Variants in UTP18 observed in about 807,000 individuals in gnomAD.
The protein encoded by UTP18 is U3 small nucleolar RNA-associated protein 18 homolog.
In UTP18, 36 loss-of-function variants were observed where a neutral mutation model predicts 61.1. That is an observed-to-expected ratio of 0.59 (90% CI 0.45 to 0.78). The LOEUF (loss-of-function observed/expected upper bound fraction) is 0.78. Among genes scored for constraint, UTP18 ranks in the 30% least tolerant of loss-of-function variants. The pLI is 0.00. For missense variants in UTP18, 753 were observed against 693.9 expected (o/e 1.09, Z -0.96); for synonymous variants, 282 against 251.1 (o/e 1.12, Z -1.16).
At chr17:51,287,956 A>C in intron 10 of UTP18, 73 bp from the exon 11 acceptor site, 1 of 1,186,232 alleles carries the variant, frequency 8.4e-7, no homozygotes, top group East Asian at 2.8e-5. Flanking sequence ...GTGGGGTTAA[A>C]TCTATATTCA....
At chr17:51,284,741 T>C (rs1056538284) in intron 9 of UTP18, among the ~76,000 whole-genome samples, 2 of 152,198 alleles carry the variant, frequency 1.3e-5, no homozygotes, top group Non-Finnish European at 2.9e-5. Context: ...GATGCAGTTT[T>C]CTTTTGTATA....
At position 51,288,016 on chromosome 17, in the gene UTP18, T is replaced by G. The variant is rs1310859287; in HGVS notation, c.1329-13T>G. The G allele has an allele frequency of 6.4e-7, 1 of 1,554,426 alleles. No homozygotes were observed. Among genetic ancestry groups the G allele is most frequent in the Non-Finnish European group, 8.6e-7 (1 of 1,157,372 alleles). ...TTGGTTTTTAATCTATTTTAATCCT[T>G]TTCTCTTTGTAGTTCTAATTGTGGA... On this transcript the variant is annotated splice_polypyrimidine_tract_variant and intron_variant, in intron 10 of 13. Coordinates refer to ENST00000225298, the MANE Select transcript of UTP18 (RefSeq NM_016001.3).
intron 11 of UTP18, among the ~76,000 whole-genome samples, chr17:51,291,046 C>G (rs117832768): frequency 6.6e-6 from 1 of 152,090 alleles, no homozygotes; most frequent in African/African-American, 2.4e-5. Context: ...CAAGGATGAG[C>G]GAGCTTTTAC....
At chr17:51,288,568 G>A (rs1445800526) in intron 11 of UTP18, 6 of 457,830 alleles carry the variant, frequency 1.3e-5, no homozygotes, top group Non-Finnish European at 2.6e-5. Context: ...TTAACAGAAC[G>A]GAGGCAATTC....
At chr17:51,260,992 C>G in intron 1 of UTP18, 66 bp downstream of exon 1, 1 of 1,342,058 alleles carries the variant, frequency 7.5e-7, no homozygotes, top group East Asian at 3.1e-5. Flanking sequence ...CGGTGAAGCT[C>G]CGGGGGGCGG....
intron 5 of UTP18, among the ~76,000 whole-genome samples, chr17:51,274,278 C>T (rs1456228013): frequency 6.6e-6 from 1 of 152,218 alleles, no homozygotes; most frequent in African/African-American, 2.4e-5. Flanking sequence ...GTGGTCTACA[C>T]TATTCACTTT....
intron 11 of UTP18, 48 bp from the exon 12 acceptor site, chr17:51,293,855 A>ATCT (rs1444906207): frequency 1.4e-6 from 2 of 1,411,892 alleles, no homozygotes; most frequent in African/African-American, 2.9e-5. Context: ...TTTAAGAAAC[A>ATCT]TGAGCTCCCA....
intron 6 of UTP18, among the ~76,000 whole-genome samples, chr17:51,276,925 T>C (rs1006864417): frequency 2.6e-5 from 4 of 152,200 alleles, no homozygotes; most frequent in Admixed American, 2.6e-4. Flanking sequence ...ACCCAGAAGC[T>C]CTCTGAATAC....
intron 11 of UTP18, 35 bp from the exon 12 acceptor site, chr17:51,293,868 T>G: frequency 6.8e-7 from 1 of 1,480,618 alleles, no homozygotes; most frequent in Middle Eastern, 2.0e-4. Context: ...AGCTCCCAGT[T>G]GTTACACTTT....
At chr17:51,268,722 G>C in intron 3 of UTP18, 115 bp from the exon 4 acceptor site, 1 of 795,574 alleles carries the variant, frequency 1.3e-6, no homozygotes, top group South Asian at 1.5e-5. Context: ...TACTTCTTTG[G>C]AAGAGAGTCC....
intron 9 of UTP18, among the ~76,000 whole-genome samples, chr17:51,282,657 G>A (rs1425303062): frequency 6.6e-6 from 1 of 151,954 alleles, no homozygotes; most frequent in Non-Finnish European, 1.5e-5. Flanking sequence ...GTCAGCAGAA[G>A]TACTGAAATT....
At chr17:51,291,404 C>T (rs1905235632) in intron 11 of UTP18, among the ~76,000 whole-genome samples, 1 of 152,016 alleles carries the variant, frequency 6.6e-6, no homozygotes, top group Non-Finnish European at 1.5e-5. Context: ...AACAATTCCC[C>T]TCCTTTTCCC....
At position 51,275,950 on chromosome 17, in the gene UTP18, G is replaced by A; in HGVS notation, c.796G>A (p.Val266Met). 1.9e-6 allele frequency: 3 copies of A among 1,612,918 alleles called. No individual in the cohort carries two copies. The highest frequency in any genetic ancestry group is 2.5e-6 in the Non-Finnish European group (3 of 1,179,604). ...SVQFHPGAQI[V>M]MVAGLDNAVS... ...GCAGTTCCATCCCGGTGCACAGATTGTGATGGTTGCTGGATTAGATAATGC... is the reference window on the plus strand; with the variant it reads ...GCAGTTCCATCCCGGTGCACAGATTATGATGGTTGCTGGATTAGATAATGC... Residue 266 changes from valine to methionine, a missense_variant, in exon 6 of 14, where the codon GTG becomes ATG. Physicochemically the swap from Val to Met is conservative, Grantham distance 21. Coordinates refer to ENST00000225298, the MANE Select transcript of UTP18 (RefSeq NM_016001.3).
intron 12 of UTP18, among the ~76,000 whole-genome samples, chr17:51,294,975 G>T (rs1453220510): frequency 2.6e-5 from 4 of 152,088 alleles, no homozygotes; most frequent in Non-Finnish European, 4.4e-5. Flanking sequence ...ATTTTTTCAT[G>T]TGTTTTTTGG....
intron 12 of UTP18, chr17:51,296,389 A>G (rs1905368950): frequency 6.6e-6 from 1 of 152,204 alleles, no homozygotes; most frequent in African/African-American, 2.4e-5. Flanking sequence ...AATAGTTGTG[A>G]AAGGAGAATA....
At chr17:51,293,280 A>C (rs982633568) in intron 11 of UTP18, among the ~76,000 whole-genome samples, 13 of 152,136 alleles carry the variant, frequency 8.5e-5, no homozygotes, top group African/African-American at 3.1e-4. Flanking sequence ...TTTTCTGCTC[A>C]GTTAATAACA....
At chr17:51,279,554 T>C (rs1275904207) in intron 7 of UTP18, among the ~76,000 whole-genome samples, 2 of 152,120 alleles carry the variant, frequency 1.3e-5, no homozygotes, top group African/African-American at 4.8e-5. Context: ...CTGTCCATCA[T>C]GAGCTGCTTA....
rs779982555 is a variant in UTP18, at chr17:51,280,339, T to G, written c.1114-50T>G. ...GTTGTTTTTACTCTACATTGTGTGA[T>G]TCTTCTGTATACTTTCTAACAGTTT... On this transcript the variant is annotated intron_variant, in intron 8 of 13. Transcript: ENST00000225298. 10 of 1,584,040 alleles carry G rather than the reference T, an allele frequency of 6.3e-6. No homozygotes were observed. The East Asian group carries it at 2.3e-4, about 36-fold the overall frequency.
chr17:51,270,255 CA>C (rs1904481691), intron 4 of UTP18, among the ~76,000 whole-genome samples: 1 of 152,170 alleles, frequency 6.6e-6, no homozygotes, highest in African/African-American at 2.4e-5. Context: ...CGGTTTGAAA[CA>C]TATAGATTAT....
Sources: allele counts gnomAD v4.1 joint callset (sites outside exome capture counted in the v4.1 genomes callset), GRCh38; gene constraint gnomAD v4.1.1; transcripts MANE v1.5; gene names NCBI Gene and HGNC (gene_info 2026-07-23, HGNC 2026-07-21).